The following CDH13 variants were observed in gnomAD, a reference collection of about 807,000 sequenced individuals.
The protein encoded by CDH13 is cadherin-13.
In CDH13, 24 loss-of-function variants were observed where a neutral mutation model predicts 63.8. The observed-to-expected ratio is 0.38, with a 90% CI of 0.27 to 0.53. The LOEUF is 0.53. CDH13 is among the 20% of genes least tolerant of loss of function. The pLI, the probability that CDH13 is intolerant of heterozygous loss-of-function variation, is 0.85. For synonymous variants in CDH13, 503 were observed against 355.3 expected, an observed-to-expected ratio of 1.42 and a Z score of -4.67; for missense variants, 1,049 against 903.1, an observed-to-expected ratio of 1.16 and a Z score of -2.07.
At chr16:82,841,037 T>C (rs2038988449) in intron 1 of CDH13, among the ~76,000 whole-genome samples, 1 of 152,224 alleles carries the variant, frequency 6.6e-6, no homozygotes. Flanking sequence ...GCAACTGTGA[T>C]GACAGAAGGC....
chr16:82,968,765 C>G (rs774744426), intron 2 of CDH13, among the ~76,000 whole-genome samples: 12 of 152,296 alleles, frequency 7.9e-5, no homozygotes, highest in East Asian at 1.9e-4. Flanking sequence ...ATTTTTGACA[C>G]TCCGTTCCCC....
At chr16:82,650,698 C>T (rs914207774) in intron 1 of CDH13, among the ~76,000 whole-genome samples, 4 of 152,204 alleles carry the variant, frequency 2.6e-5, no homozygotes, top group African/African-American at 9.7e-5. Flanking sequence ...TGTGCTCAGC[C>T]TGCTCCCTCC....
At chr16:82,849,253 C>T (rs1374968614) in intron 1 of CDH13, among the ~76,000 whole-genome samples, 1 of 152,142 alleles carries the variant, frequency 6.6e-6, no homozygotes, top group Non-Finnish European at 1.5e-5. Context: ...CCTGTGATTC[C>T]AGCACTTTCG....
intron 1 of CDH13, among the ~76,000 whole-genome samples, chr16:82,811,184 G>A (rs2037425939): frequency 6.6e-6 from 1 of 152,116 alleles, no homozygotes; most frequent in Non-Finnish European, 1.5e-5. Context: ...CTGATTACGC[G>A]AATTTCTTTC....
chr16:83,465,000 T>A (rs1373636877), intron 6 of CDH13, among the ~76,000 whole-genome samples: 2 of 152,204 alleles, frequency 1.3e-5, no homozygotes, highest in African/African-American at 4.8e-5. Flanking sequence ...CAGTTTCTCA[T>A]TTCAGAACCA....
intron 5 of CDH13, among the ~76,000 whole-genome samples, chr16:83,254,317 G>A (rs1383083408): frequency 6.6e-6 from 1 of 152,114 alleles, no homozygotes; most frequent in Non-Finnish European, 1.5e-5. Flanking sequence ...TGAGATTCAG[G>A]GCTCATGGTG....
intron 2 of CDH13, among the ~76,000 whole-genome samples, chr16:83,030,376 G>A (rs1916191357): frequency 1.3e-5 from 2 of 152,048 alleles, no homozygotes; most frequent in African/African-American, 4.8e-5. Context: ...AGTACCCTGT[G>A]GGCCGGGTAC....
At chr16:83,089,869 T>C (rs2033808659) in intron 3 of CDH13, among the ~76,000 whole-genome samples, 1 of 152,164 alleles carries the variant, frequency 6.6e-6, no homozygotes, top group Non-Finnish European at 1.5e-5. Flanking sequence ...TAGTTTCTGA[T>C]TTCAAGTCTC....
chr16:82,690,737 C>G (rs1179314709), intron 1 of CDH13, among the ~76,000 whole-genome samples: 1 of 152,220 alleles, frequency 6.6e-6, no homozygotes, highest in Non-Finnish European at 1.5e-5. Flanking sequence ...GGTAGATATC[C>G]TTATGCATGT....
At chr16:83,560,890 A>G (rs965158144) in intron 7 of CDH13, among the ~76,000 whole-genome samples, 1 of 128,496 alleles carries the variant, frequency 7.8e-6, no homozygotes, top group Non-Finnish European at 1.7e-5. Flanking sequence ...CAAGTGTACC[A>G]TAAGGTTGGC....
intron 6 of CDH13, among the ~76,000 whole-genome samples, chr16:83,485,059 A>G (rs963387955): frequency 2.0e-5 from 3 of 152,204 alleles, no homozygotes; most frequent in African/African-American, 4.8e-5. Flanking sequence ...TATATCTTGA[A>G]GAGTTTCCCA....
At chr16:83,791,622 C>G (rs1916269935) in intron 13 of CDH13, among the ~76,000 whole-genome samples, 1 of 151,814 alleles carries the variant, frequency 6.6e-6, no homozygotes, top group Non-Finnish European at 1.5e-5. Flanking sequence ...ATCAGCCTGA[C>G]CAACGTGGTG....
chr16:83,294,751 G>C (rs2089549106), intron 5 of CDH13, among the ~76,000 whole-genome samples: 1 of 151,902 alleles, frequency 6.6e-6, no homozygotes. Context: ...TAAATGGAAA[G>C]ACATCCCATG....
At chr16:83,747,231 C>T (rs1459611118) in intron 10 of CDH13, among the ~76,000 whole-genome samples, 1 of 152,194 alleles carries the variant, frequency 6.6e-6, no homozygotes, top group African/African-American at 2.4e-5. Flanking sequence ...TGTGTCCTCA[C>T]CCAAGTCTCA....
intron 7 of CDH13, among the ~76,000 whole-genome samples, chr16:83,556,731 G>C (rs1246956819): frequency 6.6e-6 from 1 of 152,154 alleles, no homozygotes; most frequent in East Asian, 1.9e-4. Context: ...TATTGGCCTG[G>C]CTTCGATAAC....
At chr16:83,345,313 T>G (rs1429196914) in intron 6 of CDH13, among the ~76,000 whole-genome samples, 1 of 152,230 alleles carries the variant, frequency 6.6e-6, no homozygotes, top group Non-Finnish European at 1.5e-5. Context: ...TTTGTGAAAG[T>G]CCAAGGCTAA....
chr16:82,733,766 A>C (rs997281813), intron 1 of CDH13, among the ~76,000 whole-genome samples: 10 of 152,242 alleles, frequency 6.6e-5, no homozygotes, highest in African/African-American at 2.4e-4. Context: ...GAACTGCTTA[A>C]GATATGAAGA....
At chr16:83,749,460 C>T (rs1179911768) in intron 11 of CDH13, among the ~76,000 whole-genome samples, 1 of 152,104 alleles carries the variant, frequency 6.6e-6, no homozygotes, top group Non-Finnish European at 1.5e-5. Context: ...GGGGGCACAG[C>T]ACAGGAGGTA....
intron 7 of CDH13, among the ~76,000 whole-genome samples, chr16:83,556,093 G>T (rs766599494): frequency 6.6e-6 from 1 of 152,152 alleles, no homozygotes; most frequent in East Asian, 1.9e-4. Context: ...GAGATAAATC[G>T]TGTAGGCACA....
Sources: gnomAD v4.1 joint callset for allele counts (sites outside exome capture counted in the v4.1 genomes callset) on GRCh38, gnomAD v4.1.1 for gene constraint, MANE v1.5 for transcripts, NCBI Gene and HGNC (gene_info 2026-07-23, HGNC 2026-07-21) for gene names.